ITSN1: variants seen among roughly 807,000 people sequenced by gnomAD.
ITSN1 encodes intersectin-1.
Under a neutral mutation model 239.8 loss-of-function variants are expected in ITSN1, and 58 were observed. The observed-to-expected ratio is 0.24, with a 90% confidence interval of 0.20 to 0.30. ITSN1 has a LOEUF of 0.30. ITSN1 is among the 10% of genes least tolerant of loss of function. The probability of loss-of-function intolerance (pLI) is 1.00; values close to 1 mark genes in which losing one functional copy is unlikely to be tolerated. For synonymous variants in ITSN1, 780 were observed against 770.8 expected (o/e 1.01, Z -0.20); for missense variants, 1,558 against 2,103.3 (o/e 0.74, Z 5.07).
chr21:33,733,648 G>A (rs1343517425), intron 4 of ITSN1, among the ~76,000 whole-genome samples: 1 of 152,056 alleles, frequency 6.6e-6, no homozygotes, highest in Non-Finnish European at 1.5e-5. Flanking sequence ...AGAAAATTTG[G>A]CAAAGGATTT....
chr21:33,671,270 AT>A (rs1012505774), intron 1 of ITSN1, among the ~76,000 whole-genome samples: 13 of 151,586 alleles, frequency 8.6e-5, no homozygotes, highest in South Asian at 2.1e-4. Context: ...TCTTGGCTGT[AT>A]TTTTTTTCTT....
chr21:33,817,670 GT>G, intron 22 of ITSN1: 1 of 1,190,498 alleles, frequency 8.4e-7, no homozygotes, highest in Non-Finnish European at 1.1e-6. Flanking sequence ...GGCAGAGACT[GT>G]TTTTTTCATC....
chr21:33,745,891 G>A (rs769762169), intron 5 of ITSN1, among the ~76,000 whole-genome samples: 11 of 152,176 alleles, frequency 7.2e-5, no homozygotes, highest in Non-Finnish European at 1.5e-4. Context: ...CTGCATGCAC[G>A]TATAGAGAAT....
At chr21:33,678,795 C>T (rs942078012) in intron 1 of ITSN1, among the ~76,000 whole-genome samples, 22 of 152,186 alleles carry the variant, frequency 1.4e-4, no homozygotes, top group Non-Finnish European at 4.4e-5. Flanking sequence ...CTCACTGCAA[C>T]CTCTGCCTCC....
Position 33,890,737 on chromosome 21 carries a change from T to C in ITSN1, c.*2437T>C, listed in dbSNP as rs1426846311. 6.6e-6 allele frequency: 1 copy of C among 152,192 alleles called. No individual in the cohort carries two copies. The highest frequency in any genetic ancestry group is 1.5e-5 in the Non-Finnish European group (1 of 68,038). 9.4% of individuals were successfully genotyped at this position (152,192 alleles called of 1,614,324 possible). A position where few individuals can be genotyped will look rare whatever the true frequency, so the allele number is the denominator to read the frequency against. On this transcript the variant is annotated 3_prime_UTR_variant, in exon 40 of 40. Coordinates refer to ENST00000381318, the MANE Select transcript of ITSN1 (RefSeq NM_003024.3). ...CTTCACCTCTACCTTCTTGACCACC[T>C]GGGCTATATTTCATAGAAATTAAAT...
chr21:33,837,673 A>C (rs2074670139), intron 29 of ITSN1: 1 of 985,886 alleles, frequency 1.0e-6, no homozygotes, highest in African/African-American at 1.7e-5. Context: ...TACATAAGAA[A>C]TTAGTTCTTT....
chr21:33,697,337 T>C (rs1213226923), intron 1 of ITSN1, among the ~76,000 whole-genome samples: 1 of 151,204 alleles, frequency 6.6e-6, no homozygotes, highest in Non-Finnish European at 1.5e-5. Context: ...CTGCCTCGGT[T>C]TCCCAAAGCA....
intron 10 of ITSN1, 30 bp downstream of exon 10, chr21:33,766,042 G>C (rs1056810089): frequency 6.2e-6 from 10 of 1,612,012 alleles, no homozygotes; most frequent in Non-Finnish European, 8.5e-6. Context: ...ATCAGGAATT[G>C]TATGCGGAGT....
chr21:33,659,228 T>C (rs879465709), intron 1 of ITSN1, among the ~76,000 whole-genome samples: 7 of 152,170 alleles, frequency 4.6e-5, no homozygotes, highest in African/African-American at 1.4e-4. Context: ...GGTGAGTGCC[T>C]ATATTGCACA....
chr21:33,818,294 C>G lies in ITSN1; in HGVS notation c.2755C>G (p.Gln919Glu). 1.9e-6 allele frequency: 3 copies of G among 1,614,148 alleles called. No homozygotes were observed. Among genetic ancestry groups the G allele is most frequent in the Non-Finnish European group, 2.5e-6 (3 of 1,179,992 alleles). ...QGEKVEGLQA[Q>E]ALYPWRAKKD... ...TGAAAAGGTGGAGGGGCTACAAGCTCAAGCCCTATATCCTTGGAGAGCCAA... is the reference window on the plus strand; with the variant it reads ...TGAAAAGGTGGAGGGGCTACAAGCTGAAGCCCTATATCCTTGGAGAGCCAA... The change falls in exon 23 of 40, where the codon CAA becomes GAA. Residue 919 changes from glutamine to glutamate, a missense_variant. Around this residue, in one of 2 missense-constraint regions of ITSN1, gnomAD observed 982 missense variants for 1,209.9 expected, o/e 0.81. Transcript: ENST00000381318.
At chr21:33,778,147 C>T (rs1441230319) in intron 14 of ITSN1, among the ~76,000 whole-genome samples, 1 of 152,044 alleles carries the variant, frequency 6.6e-6, no homozygotes, top group Non-Finnish European at 1.5e-5. Flanking sequence ...GGTATATTAC[C>T]CTTTATTAAA....
chr21:33,837,073 G>A, intron 29 of ITSN1: 1 of 1,594,618 alleles, frequency 6.3e-7, no homozygotes, highest in East Asian at 2.3e-5. Context: ...GGGATGATGG[G>A]AGATGCAGCC....
At chr21:33,717,704 C>T (rs573793538) in intron 1 of ITSN1, among the ~76,000 whole-genome samples, 26 of 150,774 alleles carry the variant, frequency 1.7e-4, no homozygotes, top group African/African-American at 5.1e-4. Flanking sequence ...TACAGGCGCC[C>T]GCCACCACGC....
At chr21:33,755,088 T>C (rs966479015) in intron 7 of ITSN1, among the ~76,000 whole-genome samples, 3 of 152,090 alleles carry the variant, frequency 2.0e-5, no homozygotes, top group Non-Finnish European at 4.4e-5. Context: ...TCTGGAAAAA[T>C]AATTATCTAT....
chr21:33,727,337 G>A (rs1230754286), intron 4 of ITSN1, among the ~76,000 whole-genome samples: 3 of 152,048 alleles, frequency 2.0e-5, no homozygotes, highest in African/African-American at 7.2e-5. Flanking sequence ...GGGTGAAGAG[G>A]CTGGATGAGG....
intron 16 of ITSN1, among the ~76,000 whole-genome samples, chr21:33,790,935 G>A (rs1569185849): frequency 6.6e-6 from 1 of 152,116 alleles, no homozygotes; most frequent in Non-Finnish European, 1.5e-5. Flanking sequence ...CTCTTTAATA[G>A]TATGGAGAAG....
At chr21:33,885,179 T>G in intron 37 of ITSN1, 56 bp downstream of exon 37, 1 of 1,432,474 alleles carries the variant, frequency 7.0e-7, no homozygotes, top group Non-Finnish European at 9.8e-7. Context: ...GAGGGCCATT[T>G]GGCTGGGCTG....
chr21:33,880,491 C>T (rs550683856), intron 34 of ITSN1, among the ~76,000 whole-genome samples: 42 of 152,278 alleles, frequency 2.8e-4, no homozygotes, highest in African/African-American at 8.9e-4. Flanking sequence ...GCACCACCTT[C>T]GGTCTTTCTT....
intron 1 of ITSN1, among the ~76,000 whole-genome samples, chr21:33,712,429 C>T (rs976216023): frequency 6.6e-6 from 1 of 152,198 alleles, no homozygotes; most frequent in Non-Finnish European, 1.5e-5. Flanking sequence ...GTTCAGTTTT[C>T]AAGACCAGTG....
Sources: gnomAD v4.1 joint callset for allele counts (sites outside exome capture counted in the v4.1 genomes callset) on GRCh38, gnomAD v4.1.1 for gene constraint, gnomAD v4.1.1 regional missense constraint, MANE v1.5 for transcripts, NCBI Gene and HGNC (gene_info 2026-07-23, HGNC 2026-07-21) for gene names.